The following SNTG2 variants were observed in gnomAD, a reference collection of about 807,000 sequenced individuals.
SNTG2 encodes the protein gamma-2-syntrophin.
A neutral mutation model predicts 70.9 loss-of-function variants in SNTG2; 74 were observed. That is an observed-to-expected ratio of 1.04 (90% CI 0.86 to 1.27). SNTG2 has a LOEUF of 1.27. Among genes scored for constraint, SNTG2 ranks in the 50% most tolerant of loss-of-function variants. The probability of loss-of-function intolerance (pLI) is 0.00; values close to 1 mark genes in which losing one functional copy is unlikely to be tolerated. For missense variants in SNTG2, 717 were observed against 690.7 expected (o/e 1.04, Z -0.43); for synonymous variants, 278 against 273.8 (o/e 1.02, Z -0.15).
At chr2:1,161,466 G>C (rs1670272236) in intron 6 of SNTG2, 1 of 152,254 alleles carries the variant, frequency 6.6e-6, no homozygotes. Context: ...CTGCTGCTGT[G>C]GGCTGAAGGA....
chr2:1,066,065 T>C (rs1436469626), intron 1 of SNTG2, among the ~76,000 whole-genome samples: 1 of 152,252 alleles, frequency 6.6e-6, no homozygotes, highest in Non-Finnish European at 1.5e-5. Context: ...TCATTATAAC[T>C]AGGCTCACAC....
intron 1 of SNTG2, among the ~76,000 whole-genome samples, chr2:1,020,435 A>G (rs1660098853): frequency 6.6e-6 from 1 of 152,196 alleles, no homozygotes; most frequent in Admixed American, 6.5e-5. Context: ...CCTCAGAGGG[A>G]CATCTGCAGA....
chr2:1,255,885 AATATATATAAATATATATATAAAT>A (rs1357299646), intron 12 of SNTG2, among the ~76,000 whole-genome samples: 1 of 90,480 alleles, frequency 1.1e-5, no homozygotes, highest in African/African-American at 3.7e-5. Flanking sequence ...TATATATATA[AATATATATAAATATATATATAAAT>A]ATATATATAA....
At position 1,314,950 on chromosome 2, in the gene SNTG2, A is replaced by T. The variant is rs113238747; in HGVS notation, c.1378-1315A>T. 7.7e-3 allele frequency among the ~76,000 whole-genome samples: 1,179 copies of T among 152,260 alleles called. 6 individuals carry two copies. Among genetic ancestry groups the T allele is most frequent in the Non-Finnish European group, 0.013 (873 of 68,010 alleles). On this transcript the variant is annotated intron_variant, in intron 15 of 16. Coordinates refer to ENST00000308624, the MANE Select transcript of SNTG2 (RefSeq NM_018968.4). ...TGCCCTCATGATTCAGTTACCTCCC[A>T]CCAGGTCCCTCCCATAACAATTCAA...
At chr2:1,212,976 A>G (rs1674144976) in intron 9 of SNTG2, among the ~76,000 whole-genome samples, 1 of 152,212 alleles carries the variant, frequency 6.6e-6, no homozygotes. Context: ...CATATAATGG[A>G]AACATAAATA....
At chr2:1,328,886 TAC>T (rs993807753) in intron 16 of SNTG2, among the ~76,000 whole-genome samples, 7 of 149,708 alleles carry the variant, frequency 4.7e-5, no homozygotes, top group South Asian at 2.1e-4. Context: ...TGCACACGCA[TAC>T]ACACATGCAT....
At chr2:1,321,015 T>G (rs779332271) in intron 16 of SNTG2, among the ~76,000 whole-genome samples, 3 of 152,232 alleles carry the variant, frequency 2.0e-5, no homozygotes, top group Non-Finnish European at 2.9e-5. Context: ...CACTTAAATG[T>G]TTTAAATGAA....
At chr2:1,258,577 T>C (rs1346978602) in intron 12 of SNTG2, among the ~76,000 whole-genome samples, 1 of 152,238 alleles carries the variant, frequency 6.6e-6, no homozygotes, top group African/African-American at 2.4e-5. Flanking sequence ...AAAGCCAAGA[T>C]AATTTCAGTG....
At chr2:1,310,403 T>C (rs1680922680) in intron 15 of SNTG2, among the ~76,000 whole-genome samples, 1 of 152,142 alleles carries the variant, frequency 6.6e-6, no homozygotes. Context: ...GTCACGTGTC[T>C]CTCTGTTGTG....
At chr2:1,236,850 A>T (rs866172764) in intron 9 of SNTG2, among the ~76,000 whole-genome samples, 1 of 152,200 alleles carries the variant, frequency 6.6e-6, no homozygotes, top group Non-Finnish European at 1.5e-5. Flanking sequence ...TTTTTAAAAA[A>T]ATATGTTTGC....
At chr2:995,612 T>C (rs1259505344) in intron 1 of SNTG2, among the ~76,000 whole-genome samples, 1 of 152,176 alleles carries the variant, frequency 6.6e-6, no homozygotes, top group Admixed American at 6.6e-5. Flanking sequence ...TAGAAGAGTT[T>C]GTGAAGAATT....
At chr2:951,744 G>C (rs1659972967) in intron 1 of SNTG2, among the ~76,000 whole-genome samples, 1 of 152,214 alleles carries the variant, frequency 6.6e-6, no homozygotes, top group Non-Finnish European at 1.5e-5. Flanking sequence ...AAACCTTCAA[G>C]TTGCCACCCA....
At chr2:1,183,648 AT>A (rs1672072092) in intron 8 of SNTG2, among the ~76,000 whole-genome samples, 1 of 152,198 alleles carries the variant, frequency 6.6e-6, no homozygotes, top group Non-Finnish European at 1.5e-5. Context: ...TGGACATTTT[AT>A]TTTTATTATA....
intron 1 of SNTG2, among the ~76,000 whole-genome samples, chr2:1,029,637 C>T (rs570133227): frequency 2.0e-5 from 3 of 152,226 alleles, no homozygotes; most frequent in Non-Finnish European, 4.4e-5. Context: ...TGACCTTACA[C>T]GTTCTGGTCC....
intron 1 of SNTG2, among the ~76,000 whole-genome samples, chr2:994,408 C>T (rs1661607444): frequency 6.6e-6 from 1 of 151,978 alleles, no homozygotes. Context: ...ATGCTTATGC[C>T]AGCACTGTAC....
chr2:993,070 CT>C lies in SNTG2; in HGVS notation c.72+42019del, dbSNP rs59134628. 4.1e-3 allele frequency among the ~76,000 whole-genome samples: 571 copies of C among 140,494 alleles called. 7 individuals carry two copies. The highest frequency in any genetic ancestry group is 0.032 in the East Asian group (147 of 4,606). 92.2% of individuals were successfully genotyped at this position (140,494 alleles called of 152,430 possible). On this transcript the variant is annotated intron_variant, in intron 1 of 16. Transcript: ENST00000308624. ...TCATACAGTTGGTCTTTTGTGGGTT[CT>C]TTTTTTTTTTTTTTTTATTATACTC...
intron 1 of SNTG2, among the ~76,000 whole-genome samples, chr2:992,493 G>T (rs188405659): frequency 5.7e-4 from 87 of 152,170 alleles, no homozygotes; most frequent in Non-Finnish European, 1.2e-3. Context: ...TTTAATAAAA[G>T]ACTTCAAGAA....
intron 1 of SNTG2, among the ~76,000 whole-genome samples, chr2:1,040,356 A>G (rs7603934): frequency 0.4 from 61,316 of 151,868 alleles, 13,303 homozygotes; most frequent in African/African-American, 0.55. Flanking sequence ...GCCTCCCTAT[A>G]GCCTAAACCT....
intron 9 of SNTG2, among the ~76,000 whole-genome samples, chr2:1,223,447 C>T (rs1271254514): frequency 1.3e-5 from 2 of 151,654 alleles, no homozygotes; most frequent in Admixed American, 1.3e-4. Flanking sequence ...GGGCACTGAT[C>T]TTGTGTCTCT....
Sources: gnomAD v4.1 joint callset for allele counts (sites outside exome capture counted in the v4.1 genomes callset) on GRCh38, gnomAD v4.1.1 for gene constraint, MANE v1.5 for transcripts, NCBI Gene and HGNC (gene_info 2026-07-23, HGNC 2026-07-21) for gene names.